LRRTM4: variants seen among roughly 807,000 people sequenced by gnomAD.
The protein encoded by LRRTM4 is leucine-rich repeat transmembrane neuronal protein 4.
In LRRTM4, 25 loss-of-function variants were observed where a neutral mutation model predicts 47.6. The ratio of observed to expected loss-of-function variants is 0.53; its 90% CI spans 0.38 to 0.73. LRRTM4 has a LOEUF of 0.73. Among genes scored for constraint, LRRTM4 ranks in the 30% least tolerant of loss-of-function variants. The pLI, the probability that LRRTM4 is intolerant of heterozygous loss-of-function variation, is 0.00. For synonymous variants in LRRTM4, 311 were observed against 269.5 expected (o/e 1.15, Z -1.51); for missense variants, 638 against 713.4 (o/e 0.89, Z 1.20).
chr2:76,849,084 C>T (rs965221942), intron 3 of LRRTM4, among the ~76,000 whole-genome samples: 1 of 151,822 alleles, frequency 6.6e-6, no homozygotes, highest in African/African-American at 2.4e-5. Flanking sequence ...TTAAGTGTCC[C>T]CTGAAGTATA....
chr2:77,022,816 G>C (rs1037380421), intron 3 of LRRTM4, among the ~76,000 whole-genome samples: 1 of 152,192 alleles, frequency 6.6e-6, no homozygotes, highest in Non-Finnish European at 1.5e-5. Flanking sequence ...GGCTGGCATT[G>C]AGTGTCTGTG....
chr2:77,164,799 G>T (rs1298807640), intron 3 of LRRTM4, among the ~76,000 whole-genome samples: 1 of 152,170 alleles, frequency 6.6e-6, no homozygotes, highest in Non-Finnish European at 1.5e-5. Context: ...AAATCTCTGG[G>T]ACACATTTAA....
chr2:77,347,700 G>A (rs1019165610), intron 3 of LRRTM4, among the ~76,000 whole-genome samples: 2 of 151,832 alleles, frequency 1.3e-5, no homozygotes, highest in African/African-American at 4.8e-5. Context: ...AAATTCCACA[G>A]ACATAAAATT....
At chr2:77,121,410 T>C (rs1671518265) in intron 3 of LRRTM4, among the ~76,000 whole-genome samples, 1 of 151,818 alleles carries the variant, frequency 6.6e-6, no homozygotes, top group African/African-American at 2.4e-5. Context: ...GCACTTCTCA[T>C]TTTAAGGCAA....
chr2:76,778,839 T>G (rs1247845965), intron 3 of LRRTM4, among the ~76,000 whole-genome samples: 1 of 151,370 alleles, frequency 6.6e-6, no homozygotes, highest in Admixed American at 6.6e-5. Context: ...TCTAGTTCTT[T>G]TAATTGTGAT....
chr2:77,079,372 T>C (rs2103851139), intron 3 of LRRTM4, among the ~76,000 whole-genome samples: 1 of 152,334 alleles, frequency 6.6e-6, no homozygotes, highest in Middle Eastern at 3.4e-3. Context: ...CATCTGTGCC[T>C]ACTGATTTAC....
intron 3 of LRRTM4, among the ~76,000 whole-genome samples, chr2:76,801,055 A>C (rs571749337): frequency 4.7e-5 from 7 of 149,656 alleles, no homozygotes; most frequent in Non-Finnish European, 5.9e-5. Context: ...ACACTTTTAC[A>C]CTGTTGGTGG....
At chr2:76,844,167 C>T (rs959174342) in intron 3 of LRRTM4, among the ~76,000 whole-genome samples, 5 of 151,478 alleles carry the variant, frequency 3.3e-5, no homozygotes, top group East Asian at 1.9e-4. Context: ...CAGACTCTCA[C>T]GCTGTCGTCC....
At chr2:76,775,815 G>C (rs1389014377) in intron 3 of LRRTM4, among the ~76,000 whole-genome samples, 2 of 151,796 alleles carry the variant, frequency 1.3e-5, no homozygotes, top group African/African-American at 4.8e-5. Flanking sequence ...GTGCAGGTTA[G>C]TTACATATGT....
chr2:77,304,000 C>CAT (rs1335405855), intron 3 of LRRTM4, among the ~76,000 whole-genome samples: 1 of 152,138 alleles, frequency 6.6e-6, no homozygotes, highest in Non-Finnish European at 1.5e-5. Flanking sequence ...ATTATATGAT[C>CAT]ATTTTATTTT....
At position 77,521,673 on chromosome 2, in the gene LRRTM4, C is replaced by T; in HGVS notation, c.-2G>A. 4 of 1,612,100 alleles carry T rather than the reference C, an allele frequency of 2.5e-6. No homozygotes were observed. The highest frequency in any genetic ancestry group is 3.3e-4 in the Middle Eastern group (2 of 6,054). On this transcript the variant is annotated 5_prime_UTR_variant, in exon 2 of 4. Transcript: ENST00000409884. ...AACAACAAAAGTTCACTTACCCATC[C>T]TTTGTCATCCAAAAACGTTTCCCCC...
intron 3 of LRRTM4, among the ~76,000 whole-genome samples, chr2:77,496,535 G>T (rs1171104158): frequency 6.6e-6 from 1 of 151,738 alleles, no homozygotes; most frequent in African/African-American, 2.4e-5. Flanking sequence ...TATTAGAATT[G>T]TATGTTAAAT....
At chr2:77,269,581 A>T (rs1676138317) in intron 3 of LRRTM4, among the ~76,000 whole-genome samples, 1 of 152,174 alleles carries the variant, frequency 6.6e-6, no homozygotes, top group Non-Finnish European at 1.5e-5. Flanking sequence ...ATACAAATTA[A>T]ATTTAAATAC....
At chr2:77,243,442 A>T (rs1675331517) in intron 3 of LRRTM4, among the ~76,000 whole-genome samples, 9 of 149,436 alleles carry the variant, frequency 6.0e-5, no homozygotes. Flanking sequence ...AATAAAAAAA[A>T]AAGATAAATA....
At chr2:76,755,430 C>T (rs1672993767) in intron 3 of LRRTM4, among the ~76,000 whole-genome samples, 1 of 152,056 alleles carries the variant, frequency 6.6e-6, no homozygotes, top group African/African-American at 2.4e-5. Context: ...ATTTCCCATC[C>T]CAATGTTTTG....
rs77709617 is a variant in LRRTM4, at chr2:77,269,304, G to A, written c.1551+249014C>T. Among the ~76,000 whole-genome samples the A allele has an allele frequency of 9.0e-4, 137 of 152,164 alleles. 2 individuals are homozygous for A. In the East Asian group the frequency reaches 0.026, roughly 28 times the overall value. Reference sequence around the variant, plus strand: ...CCTACGTAGATATTACACAATAGGAGGGCCTGGAGCTGGTTAGATTGACTC... The same window carrying A: ...CCTACGTAGATATTACACAATAGGAAGGCCTGGAGCTGGTTAGATTGACTC... On this transcript the variant is annotated intron_variant, in intron 3 of 3. Coordinates refer to ENST00000409884, the MANE Select transcript of LRRTM4 (RefSeq NM_001134745.3).
At chr2:77,398,694 A>C (rs1673804026) in intron 3 of LRRTM4, among the ~76,000 whole-genome samples, 1 of 151,882 alleles carries the variant, frequency 6.6e-6, no homozygotes, top group South Asian at 2.1e-4. Context: ...TTACAGCAGT[A>C]ACTTACATTA....
At chr2:76,959,805 GAGA>G (rs886799070) in intron 3 of LRRTM4, among the ~76,000 whole-genome samples, 11 of 151,630 alleles carry the variant, frequency 7.3e-5, no homozygotes, top group Admixed American at 2.0e-4. Flanking sequence ...CATGTCAGCA[GAGA>G]AGACTATTGT....
chr2:77,266,975 G>A (rs1244249143), intron 3 of LRRTM4, among the ~76,000 whole-genome samples: 1 of 152,090 alleles, frequency 6.6e-6, no homozygotes, highest in Non-Finnish European at 1.5e-5. Flanking sequence ...ACTGACATTT[G>A]ATCAAAGGGG....
Sources: gnomAD v4.1 joint callset for allele counts (sites outside exome capture counted in the v4.1 genomes callset) on GRCh38, gnomAD v4.1.1 for gene constraint, MANE v1.5 for transcripts, NCBI Gene and HGNC (gene_info 2026-07-23, HGNC 2026-07-21) for gene names.